Variants in PITPNC1 observed in about 807,000 individuals in gnomAD.
PITPNC1 encodes cytoplasmic phosphatidylinositol transfer protein 1.
In PITPNC1, 18 loss-of-function variants were observed where a neutral mutation model predicts 44.7. That is an observed-to-expected ratio of 0.40 (90% CI 0.28 to 0.60). PITPNC1 has a LOEUF of 0.60. Among genes scored for constraint, PITPNC1 ranks in the 20% least tolerant of loss-of-function variants. PITPNC1 has a pLI of 0.39. For synonymous variants in PITPNC1, 141 were observed against 149.6 expected (o/e 0.94, Z 0.42); for missense variants, 290 against 418.4 (o/e 0.69, Z 2.68).
At chr17:67,598,032 G>A (rs965537034) in intron 5 of PITPNC1, among the ~76,000 whole-genome samples, 1 of 152,288 alleles carries the variant, frequency 6.6e-6, no homozygotes, top group African/African-American at 2.4e-5. Context: ...GACCATCCTG[G>A]CCAACGTGGT....
chr17:67,562,956 T>C (rs1299908717), intron 4 of PITPNC1, among the ~76,000 whole-genome samples: 2 of 152,212 alleles, frequency 1.3e-5, no homozygotes, highest in African/African-American at 4.8e-5. Context: ...TATACACATT[T>C]ATCATCCACT....
At chr17:67,422,486 T>C (rs1304250890) in intron 1 of PITPNC1, among the ~76,000 whole-genome samples, 3 of 152,184 alleles carry the variant, frequency 2.0e-5, no homozygotes, top group African/African-American at 7.2e-5. Context: ...CTTGGCCTCC[T>C]GAGTACATAC....
intron 1 of PITPNC1, among the ~76,000 whole-genome samples, chr17:67,425,013 C>T (rs12949819): frequency 2.0e-5 from 3 of 151,774 alleles, no homozygotes. Flanking sequence ...CTTTATAATT[C>T]TCCCCACCCT....
chr17:67,423,459 G>C (rs970745717), intron 1 of PITPNC1, among the ~76,000 whole-genome samples: 1 of 152,202 alleles, frequency 6.6e-6, no homozygotes, highest in Non-Finnish European at 1.5e-5. Flanking sequence ...GCTTGGTACA[G>C]AGAGGTGGCG....
At chr17:67,385,800 TG>T (rs1185675948) in intron 1 of PITPNC1, among the ~76,000 whole-genome samples, 40 of 152,130 alleles carry the variant, frequency 2.6e-4, no homozygotes, top group African/African-American at 8.9e-4. Flanking sequence ...TAAATAGATT[TG>T]TGCAAACCTT....
intron 1 of PITPNC1, among the ~76,000 whole-genome samples, chr17:67,386,196 C>T (rs1245375365): frequency 6.6e-6 from 1 of 152,088 alleles, no homozygotes; most frequent in Non-Finnish European, 1.5e-5. Context: ...AATTAATATA[C>T]TTTATTTATT....
At chr17:67,545,770 T>A (rs910810055) in intron 2 of PITPNC1, among the ~76,000 whole-genome samples, 1 of 152,048 alleles carries the variant, frequency 6.6e-6, no homozygotes, top group Admixed American at 6.6e-5. Context: ...TACACACACA[T>A]ACACAGACGG....
intron 8 of PITPNC1, among the ~76,000 whole-genome samples, chr17:67,681,431 A>G (rs1157973442): frequency 6.6e-6 from 1 of 151,842 alleles, no homozygotes; most frequent in Admixed American, 6.6e-5. Context: ...CTGGCAACAC[A>G]GGGAGACCCC....
chr17:67,545,891 G>A (rs914580376), intron 2 of PITPNC1, among the ~76,000 whole-genome samples: 1 of 152,028 alleles, frequency 6.6e-6, no homozygotes, highest in South Asian at 2.1e-4. Context: ...ACTCGGGAGT[G>A]ACAGTGCACA....
chr17:67,385,335 C>G (rs2038026017), intron 1 of PITPNC1, among the ~76,000 whole-genome samples: 1 of 152,136 alleles, frequency 6.6e-6, no homozygotes, highest in Non-Finnish European at 1.5e-5. Context: ...CTGTGGCTAG[C>G]TAGAGGTTTG....
chr17:67,577,490 G>A (rs1477679640), intron 4 of PITPNC1, among the ~76,000 whole-genome samples: 1 of 151,892 alleles, frequency 6.6e-6, no homozygotes, highest in African/African-American at 2.4e-5. Context: ...GAACCTGGGA[G>A]GTGGAGGTTG....
At chr17:67,627,113 C>T (rs996691030) in intron 5 of PITPNC1, among the ~76,000 whole-genome samples, 62 of 152,150 alleles carry the variant, frequency 4.1e-4, no homozygotes, top group African/African-American at 1.3e-3. Context: ...ATTAGCCGGG[C>T]GTGGTGACAG....
chr17:67,634,648 CAGATACATATGGAGTTCAG>C (rs2042011812), intron 6 of PITPNC1, among the ~76,000 whole-genome samples: 2 of 152,128 alleles, frequency 1.3e-5, no homozygotes, highest in South Asian at 4.1e-4. Context: ...AATAGTCACA[CAGATACATATGGAGTTCAG>C]AGTCACACGT....
At chr17:67,544,815 C>T (rs2040656142) in intron 2 of PITPNC1, among the ~76,000 whole-genome samples, 1 of 152,180 alleles carries the variant, frequency 6.6e-6, no homozygotes, top group East Asian at 1.9e-4. Context: ...GCTTCCTGTT[C>T]TCCCAGATCT....
chr17:67,431,567 T>C (rs1598653895), intron 1 of PITPNC1, among the ~76,000 whole-genome samples: 1 of 152,278 alleles, frequency 6.6e-6, no homozygotes, highest in Non-Finnish European at 1.5e-5. Context: ...TAATAAGGGT[T>C]TGGACGTTGA....
intron 1 of PITPNC1, among the ~76,000 whole-genome samples, chr17:67,409,409 T>G (rs368063799): frequency 6.6e-6 from 1 of 152,208 alleles, no homozygotes; most frequent in Non-Finnish European, 1.5e-5. Context: ...TTCATATGGA[T>G]ATCCATTTGT....
rs552820966 is a variant in PITPNC1, at chr17:67,391,505, G to A, written c.48+13303G>A. Among the ~76,000 whole-genome samples the A allele has an allele frequency of 4.9e-3, 741 of 152,100 alleles. 6 individuals are homozygous for A. The highest frequency in any genetic ancestry group is 0.017 in the African/African-American group (720 of 41,500). ...TATTTATTTATTTATTTTTGAGATG[G>A]AGTCTCACATTGTCATCCAGGCTGG... is the stretch of plus-strand genomic sequence containing the variant. On this transcript the variant is annotated intron_variant, in intron 1 of 8. Transcript: ENST00000581322.
intron 1 of PITPNC1, among the ~76,000 whole-genome samples, chr17:67,395,598 C>T (rs549695977): frequency 6.6e-6 from 1 of 152,162 alleles, no homozygotes; most frequent in South Asian, 2.1e-4. Flanking sequence ...TTTTCCCTGA[C>T]TTAAAATAAT....
chr17:67,403,443 T>C (rs1161317901), intron 1 of PITPNC1, among the ~76,000 whole-genome samples: 10 of 152,152 alleles, frequency 6.6e-5, no homozygotes, highest in Non-Finnish European at 1.3e-4. Context: ...ATTTAGAAAA[T>C]GGTGAAGCCA....
Sources: allele counts gnomAD v4.1 joint callset (sites outside exome capture counted in the v4.1 genomes callset), GRCh38; gene constraint gnomAD v4.1.1; transcripts MANE v1.5; gene names NCBI Gene and HGNC (gene_info 2026-07-23, HGNC 2026-07-21).